Variants in PGLYRP2 observed in about 807,000 individuals in gnomAD.
PGLYRP2 encodes N-acetylmuramoyl-L-alanine amidase.
In PGLYRP2, 38 loss-of-function variants were observed where a neutral mutation model predicts 46.2. The observed-to-expected ratio is 0.82, with a 90% CI of 0.64 to 1.08. The LOEUF (loss-of-function observed/expected upper bound fraction) is 1.08, where lower values mean the gene tolerates loss of function less well. Among genes scored for constraint, PGLYRP2 ranks in the 50% least tolerant of loss-of-function variants. PGLYRP2 has a pLI of 0.00. For missense variants in PGLYRP2, 713 were observed against 755.9 expected, an observed-to-expected ratio of 0.94 and a Z score of 0.67; for synonymous variants, 289 against 329.4, an observed-to-expected ratio of 0.88 and a Z score of 1.33.
chr19:15,479,162 G>A, intron 1 of PGLYRP2, 149 bp downstream of exon 1: 1 of 796,676 alleles, frequency 1.3e-6, no homozygotes, highest in Admixed American at 2.3e-5. Context: ...ACTCTGTGGA[G>A]CTGGGAATAT....
intron 1 of PGLYRP2, among the ~76,000 whole-genome samples, chr19:15,477,679 C>T (rs184523231): frequency 7.1e-6 from 1 of 140,240 alleles, no homozygotes; most frequent in Non-Finnish European, 1.6e-5. Flanking sequence ...GCCTGGGTGA[C>T]AGAGTGAGAC....
Position 15,472,043 on chromosome 19 carries a change from G to A in PGLYRP2, c.1190C>T (p.Pro397Leu). 1 of 1,611,090 alleles carries A rather than the reference G, an allele frequency of 6.2e-7. No individual in the cohort carries two copies. Among genetic ancestry groups the A allele is most frequent in the Non-Finnish European group, 8.5e-7 (1 of 1,179,904 alleles). The change falls in exon 3 of 5, where the codon CCG becomes CTG. Residue 397 changes from proline (P) to leucine (L), a missense_variant. By Grantham distance (98) the Pro-to-Leu change is moderately conservative. Coordinates refer to ENST00000340880, the MANE Select transcript of PGLYRP2 (RefSeq NM_052890.4). ...RWGAAPYRGR[P>L]KLLQLPLGFL... ...TCCCAGCGGCAGCTGCAGCAGCTTC[G>A]GGCGGCCCCGATAAGGCGCCGCTCC...
Position 15,469,083 on chromosome 19 carries a change from A to G in PGLYRP2, c.1642-331T>C. On this transcript the variant is annotated intron_variant, in intron 4 of 4. Coordinates refer to ENST00000340880, the MANE Select transcript of PGLYRP2 (RefSeq NM_052890.4). This position sits in a 1 kb window ranked among gnomAD's most constrained non-coding sequence, Gnocchi z 4.9. The stretch of plus-strand genomic sequence containing the variant: ...TAAGGAGTCAGGGACGAAACAAGCA[A>G]CCTCAGAGTTGAGATTGTCTGGACA... 1 of 520,536 alleles carries G rather than the reference A, an allele frequency of 1.9e-6. No individual in the cohort carries two copies. The highest frequency in any genetic ancestry group is 3.6e-5 in the Admixed American group (1 of 27,770). 32.2% of individuals were successfully genotyped at this position (520,536 alleles called of 1,614,324 possible).
intron 4 of PGLYRP2, 144 bp from the exon 5 acceptor site, chr19:15,468,896 A>T: frequency 1.7e-6 from 1 of 596,942 alleles, no homozygotes; most frequent in Non-Finnish European, 3.0e-6. Context: ...ATAGGCCGAG[A>T]TGGATGTGCT....
intron 2 of PGLYRP2, among the ~76,000 whole-genome samples, chr19:15,473,482 A>G (rs1319030759): frequency 9.7e-6 from 1 of 103,256 alleles, no homozygotes; most frequent in African/African-American, 5.0e-5. Context: ...AAAAAAAAAA[A>G]AAAAAAAAAA....
Position 15,475,662 on chromosome 19 carries a change from CA to C in PGLYRP2, c.1007del (p.Val336GlyfsTer21), listed in dbSNP as rs1323167236. The C allele has an allele frequency of 6.2e-7, 1 of 1,614,196 alleles. No individual in the cohort carries two copies. Among genetic ancestry groups the C allele is most frequent in the Admixed American group, 1.7e-5 (1 of 60,012 alleles). The part of the protein sequence containing the change: ...LTSASILAQQ[V>X]WGTLVLLQRL... Reference sequence around the variant, plus strand: ...TCTGTAGAAGGACAAGGGTTCCCCACACCTGCTGGGCCAGGATGGAGGCTGA... The same window carrying C: ...TCTGTAGAAGGACAAGGGTTCCCCACCCTGCTGGGCCAGGATGGAGGCTGA... On this transcript the variant is annotated frameshift_variant, in exon 2 of 5. Transcript: ENST00000340880. LOFTEE classifies it high-confidence loss of function.
intron 1 of PGLYRP2, among the ~76,000 whole-genome samples, chr19:15,477,034 G>A (rs965957252): frequency 3.3e-5 from 5 of 152,156 alleles, no homozygotes; most frequent in Admixed American, 6.6e-5. Context: ...GAGAGGGAGA[G>A]ATGGATGGTC....
chr19:15,469,538 G>T lies in PGLYRP2; in HGVS notation c.1641+94C>A. ...GTTGGGGGCCTGGCTGAGGCTGTGCGGGCACAGCTGTTACAGGCAGGGGGC... is the reference window on the plus strand; with the variant it reads ...GTTGGGGGCCTGGCTGAGGCTGTGCTGGCACAGCTGTTACAGGCAGGGGGC... On this transcript the variant is annotated intron_variant, in intron 4 of 4. Coordinates refer to ENST00000340880, the MANE Select transcript of PGLYRP2 (RefSeq NM_052890.4). The surrounding 1 kb of genome is among the most constrained non-coding windows in gnomAD (Gnocchi z 4.9). 6.7e-7 allele frequency: 1 copy of T among 1,486,592 alleles called. No individual in the cohort carries two copies. The highest frequency in any genetic ancestry group is 9.1e-7 in the Non-Finnish European group (1 of 1,100,152). The allele number at this position is 1,486,592 out of a possible 1,614,324, so 92.1% of individuals were successfully genotyped here. A position where few individuals can be genotyped will look rare whatever the true frequency, so the allele number is the denominator to read the frequency against.
chr19:15,470,306 TTC>T (rs200858075), intron 3 of PGLYRP2, among the ~76,000 whole-genome samples: 5,616 of 145,946 alleles, frequency 0.038, 155 homozygotes, highest in Non-Finnish European at 0.045. Context: ...CTTTCTTTCT[TTC>T]TTTTTTTGAT....
At position 15,476,597 on chromosome 19, in the gene PGLYRP2, G is replaced by A. The variant is rs1411165969; in HGVS notation, c.73C>T (p.Leu25=). The A allele has an allele frequency of 6.3e-7, 1 of 1,597,520 alleles. No homozygotes were observed. Among genetic ancestry groups the A allele is most frequent in the Non-Finnish European group, 8.5e-7 (1 of 1,171,844 alleles). ...WSDPGTASLP[L]LMDSVIQALA... is the part of the protein sequence containing the mutation. ...GCCTGGATGACAGAGTCCATGAGCA[G>A]GGGCAGGGAGGCTGCAGGAGGAAAG... Residue 25 remains leucine, a synonymous_variant, in exon 2 of 5, where the codon CTG becomes TTG. Coordinates refer to ENST00000340880, the MANE Select transcript of PGLYRP2 (RefSeq NM_052890.4).
chr19:15,469,513 GT>G lies in PGLYRP2; in HGVS notation c.1641+118del, dbSNP rs1286834987. The G allele has an allele frequency of 2.2e-6, 3 of 1,392,028 alleles. No homozygotes were observed. In the East Asian group the frequency reaches 7.5e-5, roughly 35 times the overall value. 86.2% of individuals were successfully genotyped at this position (1,392,028 alleles called of 1,614,324 possible). ...TCCTGAATAGACGTGCCGCCGGGAAGTTGGGGGCCTGGCTGAGGCTGTGCGG... is the reference window on the plus strand; with the variant it reads ...TCCTGAATAGACGTGCCGCCGGGAAGTGGGGGCCTGGCTGAGGCTGTGCGG... On this transcript the variant is annotated intron_variant, in intron 4 of 4. Coordinates refer to ENST00000340880, the MANE Select transcript of PGLYRP2 (RefSeq NM_052890.4). The surrounding 1 kb of genome is among the most constrained non-coding windows in gnomAD (Gnocchi z 4.9).
intron 3 of PGLYRP2, among the ~76,000 whole-genome samples, chr19:15,470,308 C>CTTCT (rs1970736128): frequency 8.1e-6 from 1 of 122,880 alleles, no homozygotes; most frequent in Non-Finnish European, 1.7e-5. Flanking sequence ...TTCTTTCTTT[C>CTTCT]TTTTTTTGAT....
In PGLYRP2 at chr19:15,475,844, C is replaced by T. The variant is rs200461109; in HGVS notation, c.826G>A (p.Ala276Thr). 1.5e-5 allele frequency: 24 copies of T among 1,614,036 alleles called. No individual in the cohort carries two copies. Among genetic ancestry groups the T allele is most frequent in the East Asian group, 8.9e-5 (4 of 44,870 alleles). ...SLLTMAFLNG[A>T]LDGVILGDYL... is the part of the protein sequence containing the mutation. ...TCTCCAAGGATGACCCCATCCAGGG[C>T]GCCATTGAGGAAGGCCATGGTTAAC... The change falls in exon 2 of 5, where the codon GCC becomes ACC. Residue 276 changes from alanine (A) to threonine (T), a missense_variant. By Grantham distance (58) the Ala-to-Thr change is moderately conservative. Transcript: ENST00000340880.
At chr19:15,470,293 C>CTTCCTTCCTTCCTTCCTTCCTTCCTTCT (rs769321802) in intron 3 of PGLYRP2, among the ~76,000 whole-genome samples, 7 of 101,824 alleles carry the variant, frequency 6.9e-5, no homozygotes, top group Non-Finnish European at 1.3e-4. Flanking sequence ...TCCTTCCTTC[C>CTTCCTTCCTTCCTTCCTTCCTTCCTTCT]TTCTTTCTTT....
Position 15,476,203 on chromosome 19 carries a change from G to T in PGLYRP2, c.467C>A (p.Pro156Gln). ...ATCTGGAGCAATGGCCACAACATCT[G>T]GAAAGGTATCTCCAGTCTCCCAAGG... ...AAPWETGDTF[P>Q]DVVAIAPDVR... Residue 156 changes from proline to glutamine, a missense_variant, in exon 2 of 5, where the codon CCA (proline) becomes CAA (glutamine). Physicochemically the swap from Pro to Gln is moderately conservative, Grantham distance 76. Coordinates refer to ENST00000340880, the MANE Select transcript of PGLYRP2 (RefSeq NM_052890.4). 6.2e-7 allele frequency: 1 copy of T among 1,614,140 alleles called. No individual in the cohort carries two copies.
Position 15,469,540 on chromosome 19 carries a change from G to T in PGLYRP2, c.1641+92C>A. Reference sequence around the variant, plus strand: ...TGGGGGCCTGGCTGAGGCTGTGCGGGCACAGCTGTTACAGGCAGGGGGCAG... The same window carrying T: ...TGGGGGCCTGGCTGAGGCTGTGCGGTCACAGCTGTTACAGGCAGGGGGCAG... On this transcript the variant is annotated intron_variant, in intron 4 of 4. Transcript: ENST00000340880. This position sits in a 1 kb window ranked among gnomAD's most constrained non-coding sequence, Gnocchi z 4.9. 1.3e-6 allele frequency: 2 copies of T among 1,497,014 alleles called. No homozygotes were observed. Among genetic ancestry groups the T allele is most frequent in the Non-Finnish European group, 1.8e-6 (2 of 1,109,666 alleles). The allele number at this position is 1,497,014 out of a possible 1,614,324, so 92.7% of individuals were successfully genotyped here.
intron 2 of PGLYRP2, 45 bp downstream of exon 2, chr19:15,475,493 G>GTGTC (rs767420558): frequency 3.0e-5 from 46 of 1,514,272 alleles, no homozygotes; most frequent in Non-Finnish European, 4.1e-5. Context: ...GGGGGCGTCT[G>GTGTC]TGTCTGTAAT....
chr19:15,476,753 G>A, intron 1 of PGLYRP2, 145 bp from the exon 2 acceptor site: 2 of 700,876 alleles, frequency 2.9e-6, no homozygotes, highest in Non-Finnish European at 4.6e-6. Context: ...AGGAAAGTGA[G>A]GTACACAGAC....
chr19:15,478,821 C>T (rs563000582), intron 1 of PGLYRP2, among the ~76,000 whole-genome samples: 1 of 152,102 alleles, frequency 6.6e-6, no homozygotes, highest in Admixed American at 6.6e-5. Context: ...GGGGTTTCAC[C>T]ATGTTGGCCA....
Sources: allele counts gnomAD v4.1 joint callset (sites outside exome capture counted in the v4.1 genomes callset), GRCh38; gene constraint gnomAD v4.1.1; non-coding constraint Gnocchi (gnomAD v3.1); transcripts MANE v1.5; gene names NCBI Gene and HGNC (gene_info 2026-07-23, HGNC 2026-07-21).